The following PLCB1 variants were observed in gnomAD, a reference collection of about 807,000 sequenced individuals.
PLCB1 encodes 1-phosphatidylinositol 4,5-bisphosphate phosphodiesterase beta-1.
PLCB1 carries 46 observed loss-of-function variants against 161.8 expected under a neutral mutation model. That is an observed-to-expected ratio of 0.28 (90% CI 0.22 to 0.36). The LOEUF (loss-of-function observed/expected upper bound fraction) is 0.36. Among genes scored for constraint, PLCB1 ranks in the 10% least tolerant of loss-of-function variants. The probability of loss-of-function intolerance (pLI) is 1.00; values close to 1 mark genes in which losing one functional copy is unlikely to be tolerated. For synonymous variants in PLCB1, 517 were observed against 503.7 expected (o/e 1.03, Z -0.35); for missense variants, 1,016 against 1,472.5 (o/e 0.69, Z 5.07).
At position 8,266,998 on chromosome 20, in the gene PLCB1, T is replaced by C. The variant is rs567523478; in HGVS notation, c.178-104384T>C. The stretch of plus-strand genomic sequence containing the variant: ...GGTGCAATGAGCCTAGATCGTGCCA[T>C]TGTACTCCAGTCTGGGCAACGAGAG... On this transcript the variant is annotated intron_variant, in intron 2 of 31. Coordinates refer to ENST00000338037, the MANE Select transcript of PLCB1 (RefSeq NM_015192.4). Among the ~76,000 whole-genome samples the C allele has an allele frequency of 9.8e-4, 147 of 150,056 alleles. 1 individual carries two copies. The highest frequency in any genetic ancestry group is 7.2e-3 in the South Asian group (34 of 4,746).
At chr20:8,822,647 GC>G (rs1444903861) in intron 31 of PLCB1, among the ~76,000 whole-genome samples, 1 of 152,142 alleles carries the variant, frequency 6.6e-6, no homozygotes, top group East Asian at 1.9e-4. Flanking sequence ...AAACTAAAAA[GC>G]AGCAAAACAC....
intron 3 of PLCB1, among the ~76,000 whole-genome samples, chr20:8,577,538 G>C (rs962635053): frequency 1.3e-5 from 2 of 151,556 alleles, no homozygotes; most frequent in Non-Finnish European, 2.9e-5. Context: ...AATCTTAACT[G>C]GCAAAACTAA....
At chr20:8,392,230 T>C (rs1987631870) in intron 3 of PLCB1, among the ~76,000 whole-genome samples, 1 of 152,078 alleles carries the variant, frequency 6.6e-6, no homozygotes. Context: ...CAAGGTTCAG[T>C]CTTTTTTGCC....
At chr20:8,827,167 G>A (rs990830064) in intron 31 of PLCB1, among the ~76,000 whole-genome samples, 18 of 152,146 alleles carry the variant, frequency 1.2e-4, no homozygotes, top group Admixed American at 1.2e-3. Context: ...CATTGAATAG[G>A]AGGGAACTAT....
chr20:8,359,384 A>G (rs1986467848), intron 2 of PLCB1, among the ~76,000 whole-genome samples: 1 of 152,170 alleles, frequency 6.6e-6, no homozygotes, highest in Non-Finnish European at 1.5e-5. Flanking sequence ...AAGGAAAGTC[A>G]GAGTAGGGGG....
intron 3 of PLCB1, among the ~76,000 whole-genome samples, chr20:8,430,360 C>G (rs571786084): frequency 1.5e-4 from 23 of 151,326 alleles, no homozygotes; most frequent in Middle Eastern, 6.8e-3. Flanking sequence ...AGATGCTCTT[C>G]CCGGGTCAGT....
chr20:8,194,036 G>T (rs1242938026), intron 2 of PLCB1, among the ~76,000 whole-genome samples: 1 of 151,980 alleles, frequency 6.6e-6, no homozygotes, highest in Non-Finnish European at 1.5e-5. Context: ...AGACCCATGA[G>T]TCCCGGGTGA....
intron 3 of PLCB1, among the ~76,000 whole-genome samples, chr20:8,433,954 A>G (rs1427241093): frequency 1.6e-5 from 2 of 122,544 alleles, no homozygotes; most frequent in East Asian, 5.3e-4. Context: ...GAATTAGTCA[A>G]CCCATTATGT....
At chr20:8,572,531 T>C (rs1986553683) in intron 3 of PLCB1, among the ~76,000 whole-genome samples, 1 of 152,222 alleles carries the variant, frequency 6.6e-6, no homozygotes, top group Non-Finnish European at 1.5e-5. Context: ...AACACTTTTA[T>C]CATGTAGTTG....
chr20:8,872,341 A>G (rs190426165), intron 31 of PLCB1, among the ~76,000 whole-genome samples: 10 of 152,312 alleles, frequency 6.6e-5, no homozygotes, highest in Admixed American at 5.9e-4. Flanking sequence ...TTCTGTTTAC[A>G]TCTGGAGTAT....
intron 31 of PLCB1, among the ~76,000 whole-genome samples, chr20:8,820,169 G>C (rs1219488865): frequency 6.8e-6 from 1 of 147,316 alleles, no homozygotes; most frequent in African/African-American, 2.5e-5. Context: ...AATTCAACCA[G>C]CAGATACAGA....
intron 3 of PLCB1, among the ~76,000 whole-genome samples, chr20:8,582,651 C>A (rs1165950013): frequency 2.0e-5 from 3 of 152,052 alleles, no homozygotes; most frequent in African/African-American, 7.2e-5. Flanking sequence ...AGTGGATAAA[C>A]AAAATGGAGT....
intron 12 of PLCB1, among the ~76,000 whole-genome samples, chr20:8,712,676 A>G (rs1273579672): frequency 6.6e-6 from 1 of 152,236 alleles, no homozygotes; most frequent in African/African-American, 2.4e-5. Context: ...AAGGTTCTTA[A>G]TTTCCATGGA....
chr20:8,303,840 T>G (rs568939561), intron 2 of PLCB1, among the ~76,000 whole-genome samples: 1 of 152,278 alleles, frequency 6.6e-6, no homozygotes, highest in Admixed American at 6.5e-5. Context: ...ATTTCAAAGT[T>G]TTGGCAGTAG....
chr20:8,736,280 A>G (rs746038022), intron 19 of PLCB1, among the ~76,000 whole-genome samples: 10 of 152,248 alleles, frequency 6.6e-5, no homozygotes, highest in African/African-American at 2.4e-4. Flanking sequence ...AGAGGCAGAC[A>G]TGGAAGACAT....
intron 2 of PLCB1, among the ~76,000 whole-genome samples, chr20:8,220,925 G>A (rs975096359): frequency 1.3e-5 from 2 of 152,144 alleles, no homozygotes; most frequent in Non-Finnish European, 2.9e-5. Context: ...TATGGAAATA[G>A]AAGCAGTTAG....
At chr20:8,620,894 ATCC>A (rs544569452) in intron 3 of PLCB1, among the ~76,000 whole-genome samples, 47 of 152,142 alleles carry the variant, frequency 3.1e-4, no homozygotes, top group African/African-American at 1.0e-3. Flanking sequence ...ATAAATTGTC[ATCC>A]TCCTTTTTTG....
intron 10 of PLCB1, among the ~76,000 whole-genome samples, chr20:8,686,006 A>C (rs1476742815): frequency 6.6e-6 from 1 of 152,176 alleles, no homozygotes; most frequent in African/African-American, 2.4e-5. Flanking sequence ...TCATTGAAAT[A>C]TTTTTATAAA....
At chr20:8,449,705 C>T (rs918513057) in intron 3 of PLCB1, among the ~76,000 whole-genome samples, 13 of 152,180 alleles carry the variant, frequency 8.5e-5, no homozygotes, top group South Asian at 2.1e-4. Context: ...CTCATTCCTG[C>T]GTTCTTCTAA....
Sources: gnomAD v4.1 joint callset for allele counts (sites outside exome capture counted in the v4.1 genomes callset) on GRCh38, gnomAD v4.1.1 for gene constraint, MANE v1.5 for transcripts, NCBI Gene and HGNC (gene_info 2026-07-23, HGNC 2026-07-21) for gene names.